DDHD1: variants seen among roughly 807,000 people sequenced by gnomAD.
DDHD1 encodes DDHD domain containing 1.
A neutral mutation model predicts 96.4 loss-of-function variants in DDHD1; 49 were observed. The observed-to-expected ratio is 0.51, with a 90% confidence interval of 0.40 to 0.64. The LOEUF is 0.64. DDHD1 is among the 30% of genes least tolerant of loss of function. DDHD1 has a pLI of 0.00. For missense variants in DDHD1, 1,106 were observed against 1,161.2 expected (o/e 0.95, Z 0.69); for synonymous variants, 442 against 446.5 (o/e 0.99, Z 0.13).
rs886640092 is a variant in DDHD1 at position 53,038,158 on chromosome 14, C to T, written c.*8610G>A. Reference sequence around the variant, plus strand: ...ATAAGAAGAGGATGCCCAGTCTCATCGCTCCCATTCAACTTAGAGCAATCA... The same window carrying T: ...ATAAGAAGAGGATGCCCAGTCTCATTGCTCCCATTCAACTTAGAGCAATCA... On this transcript the variant is annotated 3_prime_UTR_variant, in exon 13 of 13. Coordinates refer to ENST00000673822, the MANE Select transcript of DDHD1 (RefSeq NM_001160148.2). The T allele has an allele frequency of 1.3e-5, 2 of 152,038 alleles. No individual in the cohort carries two copies. Among genetic ancestry groups the T allele is most frequent in the African/African-American group, 2.4e-5 (1 of 41,390 alleles). The allele number at this position is 152,038 out of a possible 1,614,324, so 9.4% of individuals were successfully genotyped here.
At chr14:53,125,430 G>C (rs1477388249) in intron 1 of DDHD1, among the ~76,000 whole-genome samples, 1 of 152,132 alleles carries the variant, frequency 6.6e-6, no homozygotes, top group Non-Finnish European at 1.5e-5. Flanking sequence ...AAATAAAATG[G>C]AGTATACAAC....
chr14:53,093,216 TAAAA>T, intron 3 of DDHD1, 96 bp downstream of exon 3: 5 of 1,299,458 alleles, frequency 3.8e-6, no homozygotes, highest in Non-Finnish European at 5.1e-6. Flanking sequence ...TTAATATACT[TAAAA>T]CATACTAAAA....
rs1309178022 is a variant in DDHD1, at chr14:53,152,837, T to A, written c.262A>T (p.Asn88Tyr). 5 of 1,611,630 alleles carry A rather than the reference T, an allele frequency of 3.1e-6. No homozygotes were observed. The African/African-American group carries it at 5.4e-5, about 17-fold the overall frequency. Residue 88 changes from asparagine to tyrosine, a missense_variant, in exon 1 of 13, where the codon AAC (asparagine) becomes TAC (tyrosine). By Grantham distance (143) the Asn-to-Tyr change is moderately radical (BLOSUM62 -2). This residue lies in a region of DDHD1 where 456 missense variants were observed against 402.4 expected (regional missense o/e 1.13). Transcript: ENST00000673822. ...GACTCGGCGGAGCTGAAGTCATAGT[T>A]CTCGTCACTGAGGCAGGGGTCCAGC... Reference protein sequence around the residue: ...LALDPCLSDENYDFSSAESGS... With the variant: ...LALDPCLSDEYYDFSSAESGS...
At chr14:53,135,547 G>A (rs1183700499) in intron 1 of DDHD1, among the ~76,000 whole-genome samples, 1 of 152,228 alleles carries the variant, frequency 6.6e-6, no homozygotes, top group Non-Finnish European at 1.5e-5. Flanking sequence ...ATGGACGCGT[G>A]TGACACACAA....
At chr14:53,108,720 T>C (rs2139745421) in intron 1 of DDHD1, among the ~76,000 whole-genome samples, 1 of 152,236 alleles carries the variant, frequency 6.6e-6, no homozygotes, top group East Asian at 1.9e-4. Flanking sequence ...GCTTTGCCTT[T>C]CTCTTCAATT....
intron 4 of DDHD1, among the ~76,000 whole-genome samples, chr14:53,077,957 T>C (rs1885118915): frequency 6.6e-6 from 1 of 152,194 alleles, no homozygotes; most frequent in South Asian, 2.1e-4. Flanking sequence ...CATAAATCAG[T>C]ACTTCATTGC....
At chr14:53,111,424 T>G (rs1042497093) in intron 1 of DDHD1, among the ~76,000 whole-genome samples, 1 of 152,210 alleles carries the variant, frequency 6.6e-6, no homozygotes, top group Non-Finnish European at 1.5e-5. Flanking sequence ...GGGTAGCTAT[T>G]GGTGATAATG....
chr14:53,106,798 A>G (rs555522824), intron 1 of DDHD1, among the ~76,000 whole-genome samples: 3 of 152,290 alleles, frequency 2.0e-5, no homozygotes, highest in South Asian at 2.1e-4. Flanking sequence ...TTCTGTATTA[A>G]TCTGTCCATG....
At chr14:53,067,098 C>G (rs1049677563) in intron 6 of DDHD1, among the ~76,000 whole-genome samples, 1 of 151,786 alleles carries the variant, frequency 6.6e-6, no homozygotes, top group East Asian at 1.9e-4. Flanking sequence ...AAATCACAGG[C>G]TCCATCTCAG....
intron 3 of DDHD1, chr14:53,092,260 A>G (rs886991082): frequency 4.6e-5 from 8 of 174,090 alleles, no homozygotes; most frequent in South Asian, 3.7e-4. Flanking sequence ...TATGCAAAAT[A>G]TAACACATAA....
At position 53,039,476 on chromosome 14, in the gene DDHD1, T is replaced by G; in HGVS notation, c.*7292A>C. ...CATCTCTTGACCATGGTACAGACAG[T>G]GCTGATTGAGCTGCTGGTGCTTACA... On this transcript the variant is annotated 3_prime_UTR_variant, in exon 13 of 13. Transcript: ENST00000673822. 6.6e-6 allele frequency: 1 copy of G among 152,284 alleles called. No homozygotes were observed. Among genetic ancestry groups the G allele is most frequent in the East Asian group, 1.9e-4 (1 of 5,188 alleles). The allele number at this position is 152,284 out of a possible 1,614,324, so 9.4% of individuals were successfully genotyped here.
At chr14:53,128,503 C>A (rs1889623792) in intron 1 of DDHD1, among the ~76,000 whole-genome samples, 2 of 152,170 alleles carry the variant, frequency 1.3e-5, no homozygotes, top group South Asian at 4.1e-4. Context: ...CAGGACTCTG[C>A]CGTATGACCT....
intron 2 of DDHD1, chr14:53,096,031 C>A: frequency 4.5e-6 from 3 of 673,230 alleles, no homozygotes; most frequent in Non-Finnish European, 5.5e-6. Context: ...TTAAAAAAAA[C>A]TAATAATTTC....
chr14:53,147,155 A>G (rs1891053422), intron 1 of DDHD1, among the ~76,000 whole-genome samples: 1 of 152,004 alleles, frequency 6.6e-6, no homozygotes, highest in African/African-American at 2.4e-5. Flanking sequence ...AGTGTCCATA[A>G]TTCTCAGAGG....
intron 1 of DDHD1, among the ~76,000 whole-genome samples, chr14:53,128,605 T>C (rs1403356813): frequency 6.6e-6 from 1 of 152,210 alleles, no homozygotes; most frequent in African/African-American, 2.4e-5. Flanking sequence ...TAACCTTCAG[T>C]CCACTGTAGG....
intron 1 of DDHD1, among the ~76,000 whole-genome samples, chr14:53,149,328 C>T (rs1195848228): frequency 6.6e-6 from 1 of 152,194 alleles, no homozygotes; most frequent in Non-Finnish European, 1.5e-5. Flanking sequence ...TACATAGGAA[C>T]TTACTGGACA....
At chr14:53,150,882 T>C (rs1347704250) in intron 1 of DDHD1, among the ~76,000 whole-genome samples, 1 of 152,190 alleles carries the variant, frequency 6.6e-6, no homozygotes, top group African/African-American at 2.4e-5. Context: ...TTAGTGAGTA[T>C]ATAATCTAAA....
At chr14:53,143,365 C>T (rs936836558) in intron 1 of DDHD1, among the ~76,000 whole-genome samples, 36 of 152,286 alleles carry the variant, frequency 2.4e-4, no homozygotes, top group African/African-American at 7.2e-4. Flanking sequence ...GCTTGTTCCT[C>T]GGTGCAGTAA....
rs544058779 is a variant in DDHD1 at position 53,041,816 on chromosome 14, G to A, written c.*4952C>T. On this transcript the variant is annotated 3_prime_UTR_variant, in exon 13 of 13. Coordinates refer to ENST00000673822, the MANE Select transcript of DDHD1 (RefSeq NM_001160148.2). ...GGACCAACTGCTAACTCAAGCCTACGGCCATGTGTCAGATTAAAGCTTGCT... is the reference window on the plus strand; with the variant it reads ...GGACCAACTGCTAACTCAAGCCTACAGCCATGTGTCAGATTAAAGCTTGCT... 9 of 152,228 alleles carry A rather than the reference G, an allele frequency of 5.9e-5. No homozygotes were observed. The highest frequency in any genetic ancestry group is 8.8e-5 in the Non-Finnish European group (6 of 68,034). 9.4% of individuals were successfully genotyped at this position (152,228 alleles called of 1,614,324 possible).
Sources: gnomAD v4.1 joint callset for allele counts (sites outside exome capture counted in the v4.1 genomes callset) on GRCh38, gnomAD v4.1.1 for gene constraint, gnomAD v4.1.1 regional missense constraint, MANE v1.5 for transcripts, NCBI Gene and HGNC (gene_info 2026-07-23, HGNC 2026-07-21) for gene names.